The following IGF1R variants were observed in gnomAD, a reference collection of about 807,000 sequenced individuals.
The protein encoded by IGF1R is insulin like growth factor 1 receptor, also known as insulin-like growth factor 1 receptor.
Under a neutral mutation model 144.6 loss-of-function variants are expected in IGF1R, and 44 were observed. That is an observed-to-expected ratio of 0.30 (90% CI 0.24 to 0.39). IGF1R has a LOEUF of 0.39. Ranked by LOEUF, IGF1R falls within the 10% of genes least tolerant of loss-of-function variation. IGF1R has a pLI of 1.00. For synonymous variants in IGF1R, 795 were observed against 722.8 expected, an observed-to-expected ratio of 1.10 and a Z score of -1.60; for missense variants, 1,355 against 1,833.7, an observed-to-expected ratio of 0.74 and a Z score of 4.77.
chr15:98,878,054 G>A lies in IGF1R; in HGVS notation c.641-13271G>A, dbSNP rs138698693. 2.3e-4 allele frequency among the ~76,000 whole-genome samples: 35 copies of A among 152,342 alleles called. No individual in the cohort carries two copies. In the East Asian group the frequency reaches 5.0e-3, roughly 22 times the overall value. On this transcript the variant is annotated intron_variant, in intron 2 of 20. Coordinates refer to ENST00000650285, the MANE Select transcript of IGF1R (RefSeq NM_000875.5). ...CAGCCACAGCTGTGTGGCATTGAGC[G>A]TCTAAGGTATGTGTAATAGGCAGTG... is the stretch of plus-strand genomic sequence containing the variant.
At chr15:98,818,021 C>T (rs1410561442) in intron 2 of IGF1R, among the ~76,000 whole-genome samples, 1 of 152,200 alleles carries the variant, frequency 6.6e-6, no homozygotes, top group Non-Finnish European at 1.5e-5. Flanking sequence ...GCTACCTTCT[C>T]ACTGTATCCT....
At chr15:98,776,140 A>G (rs954033318) in intron 2 of IGF1R, among the ~76,000 whole-genome samples, 2 of 151,628 alleles carry the variant, frequency 1.3e-5, no homozygotes, top group African/African-American at 4.8e-5. Flanking sequence ...GGGGCAAGAG[A>G]AATTTTTATT....
At chr15:98,737,872 T>C (rs533817046) in intron 2 of IGF1R, among the ~76,000 whole-genome samples, 1 of 152,274 alleles carries the variant, frequency 6.6e-6, no homozygotes, top group South Asian at 2.1e-4. Context: ...TCTGGGTTTG[T>C]GCCCTTCGTG....
intron 2 of IGF1R, among the ~76,000 whole-genome samples, chr15:98,746,140 T>C (rs2054859700): frequency 6.6e-6 from 1 of 152,100 alleles, no homozygotes; most frequent in Non-Finnish European, 1.5e-5. Flanking sequence ...TTAAGGAGGG[T>C]AAATAAGACT....
rs2017258316 is a variant in IGF1R, at chr15:98,962,320, C to A, written c.*4878C>A. On this transcript the variant is annotated 3_prime_UTR_variant, in exon 21 of 21. Coordinates refer to ENST00000650285, the MANE Select transcript of IGF1R (RefSeq NM_000875.5). ...ATGCATTTCAAGTTTGGGGTTTGTT[C>A]TTTTCGTTAATGTTCCTCTGTGTTG... is the stretch of plus-strand genomic sequence containing the variant. The A allele has an allele frequency of 4.3e-6, 1 of 233,470 alleles. No homozygotes were observed. Among genetic ancestry groups the A allele is most frequent in the Non-Finnish European group, 8.5e-6 (1 of 118,144 alleles). The allele number at this position is 233,470 out of a possible 1,614,324, so 14.5% of individuals were successfully genotyped here. A position where few individuals can be genotyped will look rare whatever the true frequency, so the allele number is the denominator to read the frequency against.
At chr15:98,702,033 G>GTT (rs35793845) in intron 1 of IGF1R, among the ~76,000 whole-genome samples, 69,395 of 108,606 alleles carry the variant, frequency 0.64, 23,144 homozygotes, top group South Asian at 0.76. Flanking sequence ...GAGTCACGCT[G>GTT]TTTTTTTTTT....
intron 3 of IGF1R, chr15:98,893,533 G>A (rs1024944200): frequency 6.6e-6 from 1 of 152,236 alleles, no homozygotes; most frequent in African/African-American, 2.4e-5. Context: ...CAGGGGCAGT[G>A]CCTGGAACCA....
In IGF1R at chr15:98,891,413, C is replaced by G. The variant is rs771089860; in HGVS notation, c.729C>G (p.Asp243Glu). The G allele has an allele frequency of 6.8e-6, 11 of 1,613,542 alleles. 1 individual carries two copies. The South Asian group carries it at 9.9e-5, about 14-fold the overall frequency. The change falls in exon 3 of 21, where the codon GAC (aspartate) becomes GAG (glutamate). Residue 243 changes from aspartate to glutamate, a missense_variant. Asp to Glu is a conservative substitution (Grantham distance 45). Around this residue, in one of 7 missense-constraint regions of IGF1R, gnomAD observed 880 missense variants for 1,202.7 expected, o/e 0.73. Transcript: ENST00000650285. The surrounding 1 kb of genome is among the most constrained non-coding windows in gnomAD (Gnocchi z 4.7). ...PECLGSCSAPDNDTACVACRH... is the reference protein window; with the variant it reads ...PECLGSCSAPENDTACVACRH... ...GCCTGGGCAGCTGCAGCGCGCCTGA[C>G]AACGACACGGCCTGTGTAGCTTGCC...
chr15:98,765,853 T>TTAA (rs981917251), intron 2 of IGF1R, among the ~76,000 whole-genome samples: 5 of 152,100 alleles, frequency 3.3e-5, no homozygotes, highest in Admixed American at 6.5e-5. Context: ...GGCCTTAAGG[T>TTAA]GTCCATGGTC....
intron 20 of IGF1R, among the ~76,000 whole-genome samples, chr15:98,955,365 CCCTT>C (rs1218832451): frequency 2.0e-5 from 3 of 152,218 alleles, no homozygotes; most frequent in Non-Finnish European, 2.9e-5. Context: ...GGAACCTGCA[CCCTT>C]CCTTCTTTTA....
At chr15:98,953,628 G>A (rs2016864962) in intron 20 of IGF1R, among the ~76,000 whole-genome samples, 1 of 152,158 alleles carries the variant, frequency 6.6e-6, no homozygotes, top group Admixed American at 6.5e-5. Flanking sequence ...ACTTGGGCCA[G>A]GAAGCCATTT....
intron 2 of IGF1R, among the ~76,000 whole-genome samples, chr15:98,748,913 A>G (rs1417465304): frequency 1.3e-5 from 2 of 152,186 alleles, no homozygotes; most frequent in Non-Finnish European, 2.9e-5. Flanking sequence ...GGTACTATGT[A>G]AGCTACATTT....
At chr15:98,889,936 A>G (rs1256690013) in intron 2 of IGF1R, among the ~76,000 whole-genome samples, 1 of 152,258 alleles carries the variant, frequency 6.6e-6, no homozygotes, top group African/African-American at 2.4e-5. Flanking sequence ...ACCAGATTTC[A>G]TATTTTGTTG....
chr15:98,810,637 C>G (rs1230169767), intron 2 of IGF1R, among the ~76,000 whole-genome samples: 1 of 151,864 alleles, frequency 6.6e-6, no homozygotes, highest in South Asian at 2.1e-4. Flanking sequence ...CAGGCTCCGC[C>G]TCCCGGCTTC....
At chr15:98,709,976 C>T (rs544005973) in intron 2 of IGF1R, among the ~76,000 whole-genome samples, 38 of 152,290 alleles carry the variant, frequency 2.5e-4, no homozygotes, top group Admixed American at 1.6e-3. Flanking sequence ...GGGTCCAAGT[C>T]TAAGAGTGGC....
At chr15:98,835,100 C>CCCCT (rs2057072261) in intron 2 of IGF1R, among the ~76,000 whole-genome samples, 1 of 150,588 alleles carries the variant, frequency 6.6e-6, no homozygotes, top group Non-Finnish European at 1.5e-5. Context: ...CACACACACA[C>CCCCT]ACACACACAC....
intron 1 of IGF1R, among the ~76,000 whole-genome samples, chr15:98,673,535 AC>A (rs375054138): frequency 2.6e-5 from 4 of 152,340 alleles, no homozygotes; most frequent in African/African-American, 9.6e-5. Context: ...TAAGGCAGAA[AC>A]ACCTTTAACT....
chr15:98,913,298 C>A lies in IGF1R; in HGVS notation c.1828+16C>A. The A allele has an allele frequency of 6.3e-7, 1 of 1,593,966 alleles. No individual in the cohort carries two copies. Among genetic ancestry groups the A allele is most frequent in the Non-Finnish European group, 8.6e-7 (1 of 1,161,844 alleles). ...AATGCTTCAGGTATCCATGCCTAGACAAGCCCCCAGCATCCACACTTCTTC... is the reference window on the plus strand; with the variant it reads ...AATGCTTCAGGTATCCATGCCTAGAAAAGCCCCCAGCATCCACACTTCTTC... On this transcript the variant is annotated intron_variant, in intron 8 of 20. Transcript: ENST00000650285.
rs958896090 is a variant in IGF1R, at chr15:98,674,214, C to T, written c.94+24539C>T. Among the ~76,000 whole-genome samples the T allele has an allele frequency of 2.0e-5, 3 of 152,106 alleles. No homozygotes were observed. The East Asian group carries it at 5.8e-4, about 29-fold the overall frequency. On this transcript the variant is annotated intron_variant, in intron 1 of 20. Coordinates refer to ENST00000650285, the MANE Select transcript of IGF1R (RefSeq NM_000875.5). ...TGTTATCACATCACGGTTAGACATA[C>T]CCAAAAGGCAAAAACTACAGTGGTC...
Sources: allele counts gnomAD v4.1 joint callset (sites outside exome capture counted in the v4.1 genomes callset), GRCh38; gene constraint gnomAD v4.1.1; regional missense constraint gnomAD v4.1.1; non-coding constraint Gnocchi (gnomAD v3.1); transcripts MANE v1.5; gene names NCBI Gene and HGNC (gene_info 2026-07-23, HGNC 2026-07-21).